FRY: variants seen among roughly 807,000 people sequenced by gnomAD.
FRY encodes protein furry homolog.
In FRY, 128 loss-of-function variants were observed where a neutral mutation model predicts 348.4. The ratio of observed to expected loss-of-function variants is 0.37; its 90% CI spans 0.32 to 0.43. FRY has a LOEUF of 0.43. Among genes scored for constraint, FRY ranks in the 20% least tolerant of loss-of-function variants. FRY has a pLI of 1.00. For synonymous variants in FRY, 1,370 were observed against 1,374.7 expected (o/e 1.00, Z 0.08); for missense variants, 2,736 against 3,695.2 (o/e 0.74, Z 6.73).
chr13:32,264,059 C>T (rs964509150), intron 53 of FRY, among the ~76,000 whole-genome samples: 4 of 152,160 alleles, frequency 2.6e-5, no homozygotes, highest in East Asian at 3.9e-4. Context: ...AAGGAAAAGT[C>T]GAGTCCCATT....
chr13:32,268,525 T>A (rs200025276), intron 55 of FRY, among the ~76,000 whole-genome samples: 2 of 40,016 alleles, frequency 5.0e-5, no homozygotes, highest in African/African-American at 9.7e-5. Flanking sequence ...TATATATATA[T>A]ATATATATAT....
Position 32,134,890 on chromosome 13 carries a change from T to C in FRY, c.886-14T>C, listed in dbSNP as rs981226130. On this transcript the variant is annotated splice_polypyrimidine_tract_variant and intron_variant, in intron 8 of 60. Coordinates refer to ENST00000542859, the MANE Select transcript of FRY (RefSeq NM_023037.3). Reference sequence around the variant, plus strand: ...ACCTACTCTCCCTCCCTATACTCTTTTTCTGCTTCCCAGGAATGTGCACAT... The same window carrying C: ...ACCTACTCTCCCTCCCTATACTCTTCTTCTGCTTCCCAGGAATGTGCACAT... 1 of 1,553,912 alleles carries C rather than the reference T, an allele frequency of 6.4e-7. No individual in the cohort carries two copies.
intron 1 of FRY, among the ~76,000 whole-genome samples, chr13:32,050,571 A>C (rs1486632694): frequency 6.6e-6 from 1 of 152,144 alleles, no homozygotes; most frequent in Non-Finnish European, 1.5e-5. Context: ...TCCTAATCTT[A>C]GGGGAATTTT....
intron 35 of FRY, among the ~76,000 whole-genome samples, chr13:32,216,053 C>T (rs904632753): frequency 6.6e-6 from 1 of 152,058 alleles, no homozygotes; most frequent in African/African-American, 2.4e-5. Context: ...TATATATTAA[C>T]TATCAGTTAT....
intron 39 of FRY, 33 bp downstream of exon 39, chr13:32,226,007 C>T: frequency 1.3e-6 from 2 of 1,596,356 alleles, no homozygotes; most frequent in South Asian, 1.1e-5. Flanking sequence ...GAGCCTAGGA[C>T]AGTTACAAAT....
At chr13:32,087,533 G>A (rs1875965333) in intron 2 of FRY, among the ~76,000 whole-genome samples, 1 of 152,108 alleles carries the variant, frequency 6.6e-6, no homozygotes, top group African/African-American at 2.4e-5. Flanking sequence ...CGGGACTGTG[G>A]GTCTAAGTAA....
Position 32,202,284 on chromosome 13 carries a change from A to G in FRY, c.3847-72A>G, listed in dbSNP as rs1182373753. On this transcript the variant is annotated intron_variant, in intron 30 of 60. Transcript: ENST00000542859. Reference sequence around the variant, plus strand: ...AATTTTGTTACTTCTAACCTTTGTTAAATACAAATGCTCATGAGATATCCA... The same window carrying G: ...AATTTTGTTACTTCTAACCTTTGTTGAATACAAATGCTCATGAGATATCCA... 4 of 1,196,868 alleles carry G rather than the reference A, an allele frequency of 3.3e-6. No homozygotes were observed. In the South Asian group the frequency reaches 3.6e-5, roughly 11 times the overall value. The allele number at this position is 1,196,868 out of a possible 1,614,324, so 74.1% of individuals were successfully genotyped here.
At chr13:32,182,081 A>G (rs189091303) in intron 23 of FRY, among the ~76,000 whole-genome samples, 55 of 152,308 alleles carry the variant, frequency 3.6e-4, no homozygotes, top group African/African-American at 1.3e-3. Context: ...TTTCCTGGCT[A>G]GTGATGTTTA....
chr13:32,060,624 C>T (rs1056468036), intron 1 of FRY, among the ~76,000 whole-genome samples: 5 of 152,184 alleles, frequency 3.3e-5, no homozygotes, highest in African/African-American at 9.7e-5. Flanking sequence ...ATCTTTGCTC[C>T]TACCTTTCTT....
chr13:32,148,846 G>T (rs1255773869), intron 13 of FRY, among the ~76,000 whole-genome samples: 1 of 152,104 alleles, frequency 6.6e-6, no homozygotes, highest in Non-Finnish European at 1.5e-5. Flanking sequence ...CTCTCTTTGA[G>T]TTTGGTGCAA....
At chr13:32,274,682 C>T (rs1265331028) in intron 55 of FRY, among the ~76,000 whole-genome samples, 160 bp from the exon 56 acceptor site, 25 of 107,814 alleles carry the variant, frequency 2.3e-4, no homozygotes, top group East Asian at 9.3e-4. Context: ...CCAGCCTGGG[C>T]GACAGAGCGA....
intron 7 of FRY, among the ~76,000 whole-genome samples, chr13:32,125,642 T>A (rs1878971896): frequency 6.6e-6 from 1 of 152,194 alleles, no homozygotes. Context: ...AGGGATTGAA[T>A]TTCGTAACGT....
intron 7 of FRY, among the ~76,000 whole-genome samples, chr13:32,127,458 T>G (rs896774696): frequency 2.0e-5 from 3 of 152,240 alleles, no homozygotes; most frequent in Non-Finnish European, 4.4e-5. Context: ...TTGTGCTAAG[T>G]AACATGTTTA....
intron 28 of FRY, among the ~76,000 whole-genome samples, chr13:32,191,406 A>G (rs1883327607): frequency 6.6e-6 from 1 of 152,212 alleles, no homozygotes; most frequent in Admixed American, 6.5e-5. Flanking sequence ...GTTCTTATCT[A>G]GAATATATAA....
At chr13:32,036,396 T>TAAAACCCC in intron 1 of FRY, among the ~76,000 whole-genome samples, 1 of 151,972 alleles carries the variant, frequency 6.6e-6, no homozygotes, top group South Asian at 2.1e-4. Context: ...TAAGGAAAAA[T>TAAAACCCC]AAAACCCCAA....
At position 32,128,584 on chromosome 13, in the gene FRY, A is replaced by T. The variant is rs536544240; in HGVS notation, c.717-3088A>T. On this transcript the variant is annotated intron_variant, in intron 7 of 60. Coordinates refer to ENST00000542859, the MANE Select transcript of FRY (RefSeq NM_023037.3). ...CTAAGACAGCTGCGGTGTAATGGAAATTCCTGGAATTTATATCAGAAGCTC... is the reference window on the plus strand; with the variant it reads ...CTAAGACAGCTGCGGTGTAATGGAATTTCCTGGAATTTATATCAGAAGCTC... Among the ~76,000 whole-genome samples the T allele has an allele frequency of 6.6e-5, 10 of 152,332 alleles. No homozygotes were observed. In the South Asian group the frequency reaches 2.1e-3, roughly 32 times the overall value.
At position 32,244,027 on chromosome 13, in the gene FRY, A is replaced by T. The variant is rs757620035; in HGVS notation, c.6688-15A>T. The T allele has an allele frequency of 1.9e-6, 3 of 1,613,512 alleles. No individual in the cohort carries two copies. The highest frequency in any genetic ancestry group is 2.5e-6 in the Non-Finnish European group (3 of 1,179,836). On this transcript the variant is annotated splice_polypyrimidine_tract_variant and intron_variant, in intron 46 of 60. Transcript: ENST00000542859. ...CTGGTGTGTGACTGACTCCAGCCGC[A>T]CTTTGCCCCCACAGCTGCTGGAGAA...
chr13:32,047,200 A>T (rs1873069216), intron 1 of FRY, among the ~76,000 whole-genome samples: 1 of 152,254 alleles, frequency 6.6e-6, no homozygotes, highest in South Asian at 2.1e-4. Context: ...TTGCTCAAAT[A>T]AATGGTAGCC....
chr13:32,295,268 T>G lies in FRY; in HGVS notation c.8850T>G (p.Ile2950Met), dbSNP rs1408042906. Residue 2950 changes from isoleucine to methionine, a missense_variant, in exon 61 of 61, where the codon ATT (isoleucine) becomes ATG (methionine). Ile to Met is a conservative substitution (Grantham distance 10). Around this residue, in one of 9 missense-constraint regions of FRY, gnomAD observed 157 missense variants for 215.2 expected, o/e 0.73. Coordinates refer to ENST00000542859, the MANE Select transcript of FRY (RefSeq NM_023037.3). ...ATGAGGTCCAGACACTACTGAATAT[T>G]TATTTCCGTCACCAAACTCTGGGAC... is the stretch of plus-strand genomic sequence containing the variant. ...SDDEVQTLLN[I>M]YFRHQTLGQT... The G allele has an allele frequency of 6.2e-7, 1 of 1,613,832 alleles. No homozygotes were observed. The highest frequency in any genetic ancestry group is 8.5e-7 in the Non-Finnish European group (1 of 1,179,800).
Sources: gnomAD v4.1 joint callset for allele counts (sites outside exome capture counted in the v4.1 genomes callset) on GRCh38, gnomAD v4.1.1 for gene constraint, gnomAD v4.1.1 regional missense constraint, MANE v1.5 for transcripts, NCBI Gene and HGNC (gene_info 2026-07-23, HGNC 2026-07-21) for gene names.